DERA: variants seen among roughly 807,000 people sequenced by gnomAD.
DERA encodes 2-deoxy-D-ribose 5-phosphate aldolase.
A neutral mutation model predicts 41.1 loss-of-function variants in DERA; 15 were observed. The ratio of observed to expected loss-of-function variants is 0.37; its 90% CI spans 0.24 to 0.56. The LOEUF is 0.56. Among genes scored for constraint, DERA ranks in the 20% least tolerant of loss-of-function variants. The pLI is 0.81. For missense variants in DERA, 396 were observed against 403.4 expected, an observed-to-expected ratio of 0.98 and a Z score of 0.16; for synonymous variants, 139 against 137.4, an observed-to-expected ratio of 1.01 and a Z score of -0.08.
rs1173302767 is a variant in DERA, at chr12:16,036,406, A to C, written c.900+25A>C. 1.2e-5 allele frequency: 19 copies of C among 1,563,720 alleles called. No individual in the cohort carries two copies. The highest frequency in any genetic ancestry group is 1.6e-5 in the Non-Finnish European group (18 of 1,159,160). On this transcript the variant is annotated intron_variant, in intron 8 of 8. Transcript: ENST00000428559. This position sits in a 1 kb window ranked among gnomAD's most constrained non-coding sequence, Gnocchi z 4.9. ...GGTGAGTAATCATCTCTGTCTTTGG[A>C]ATAAATTAACAAGTGTTTTTTGAGA...
chr12:15,933,091 C>G (rs1338117302), intron 1 of DERA, among the ~76,000 whole-genome samples: 2 of 152,128 alleles, frequency 1.3e-5, no homozygotes, highest in African/African-American at 4.8e-5. Context: ...GAGGTTGATT[C>G]CTTATCTTGG....
chr12:15,946,046 G>T (rs573532955), intron 1 of DERA, among the ~76,000 whole-genome samples: 1 of 152,116 alleles, frequency 6.6e-6, no homozygotes, highest in Non-Finnish European at 1.5e-5. Context: ...ATTTGTGTAC[G>T]TTGAACCAGC....
At position 16,016,287 on chromosome 12, in the gene DERA, C is replaced by A. The variant is rs1293834447; in HGVS notation, c.638-16255C>A. Among the ~76,000 whole-genome samples the A allele has an allele frequency of 2.0e-5, 3 of 152,096 alleles. No homozygotes were observed. The East Asian group carries it at 5.8e-4, about 29-fold the overall frequency. ...GGCTCCCTTCACATAACTCTCCTTCCTTGACAGACATACTCAGAAAAGGGG... is the reference window on the plus strand; with the variant it reads ...GGCTCCCTTCACATAACTCTCCTTCATTGACAGACATACTCAGAAAAGGGG... On this transcript the variant is annotated intron_variant, in intron 6 of 8. Transcript: ENST00000428559.
intron 1 of DERA, among the ~76,000 whole-genome samples, chr12:15,949,586 G>A (rs1948481114): frequency 3.3e-5 from 5 of 152,158 alleles, no homozygotes; most frequent in Admixed American, 2.6e-4. Flanking sequence ...GATTTTCCAG[G>A]TGCCATCTGT....
At chr12:16,032,447 G>A (rs1252975481) in intron 6 of DERA, 95 bp from the exon 7 acceptor site, 3 of 701,096 alleles carry the variant, frequency 4.3e-6, no homozygotes, top group Admixed American at 3.5e-5. Flanking sequence ...GGGTTTCTTC[G>A]GGAAAAAATT....
intron 6 of DERA, among the ~76,000 whole-genome samples, chr12:16,030,798 C>T (rs1415651469): frequency 6.6e-6 from 1 of 152,168 alleles, no homozygotes; most frequent in Non-Finnish European, 1.5e-5. Flanking sequence ...TCATTGGTTG[C>T]TCTATTCCCA....
chr12:15,968,027 T>A (rs1030421635), intron 5 of DERA, among the ~76,000 whole-genome samples: 1 of 151,784 alleles, frequency 6.6e-6, no homozygotes. Flanking sequence ...TTGTTCTCCT[T>A]CCCCACCAGT....
chr12:15,941,278 G>C lies in DERA; in HGVS notation c.32-15658G>C, dbSNP rs1297691026. 6.6e-6 allele frequency among the ~76,000 whole-genome samples: 1 copy of C among 152,142 alleles called. No individual in the cohort carries two copies. Among genetic ancestry groups the C allele is most frequent in the Non-Finnish European group, 1.5e-5 (1 of 68,026 alleles). On this transcript the variant is annotated intron_variant, in intron 1 of 8. Coordinates refer to ENST00000428559, the MANE Select transcript of DERA (RefSeq NM_015954.4). The surrounding 1 kb of genome is among the most constrained non-coding windows in gnomAD (Gnocchi z 4.5). Reference sequence around the variant, plus strand: ...TTGAGCTCAGGCCGGGGCTCAACTAGCTGCTATAGCAAATGGGTATAACAG... The same window carrying C: ...TTGAGCTCAGGCCGGGGCTCAACTACCTGCTATAGCAAATGGGTATAACAG...
chr12:16,018,074 A>G (rs1948994874), intron 6 of DERA, among the ~76,000 whole-genome samples: 1 of 152,174 alleles, frequency 6.6e-6, no homozygotes, highest in South Asian at 2.1e-4. Context: ...AGAAATAAAA[A>G]TGTGTGTTTT....
rs1565588756 is a variant in DERA at position 15,936,951 on chromosome 12, C to CCA, written c.32-19985_32-19984insCA. Reference sequence around the variant, plus strand: ...CTGTCCTGTCTTGTCCTGTCCCGTCCTGTCCTGCCCTGCCCTGCCCTGTCT... The same window carrying CCA: ...CTGTCCTGTCTTGTCCTGTCCCGTCCCATGTCCTGCCCTGCCCTGCCCTGTCT... On this transcript the variant is annotated intron_variant, in intron 1 of 8. Coordinates refer to ENST00000428559, the MANE Select transcript of DERA (RefSeq NM_015954.4). The surrounding 1 kb of genome is among the most constrained non-coding windows in gnomAD (Gnocchi z 4.6). 7.0e-6 allele frequency among the ~76,000 whole-genome samples: 1 copy of CCA among 143,176 alleles called. No individual in the cohort carries two copies. Among genetic ancestry groups the CCA allele is most frequent in the Non-Finnish European group, 1.5e-5 (1 of 66,760 alleles). 93.9% of individuals were successfully genotyped at this position (143,176 alleles called of 152,430 possible).
Position 15,918,268 on chromosome 12 carries a change from G to A in DERA, c.31+6854G>A, listed in dbSNP as rs957561174. Among the ~76,000 whole-genome samples, 1 of 152,174 alleles carries A rather than the reference G, an allele frequency of 6.6e-6. No individual in the cohort carries two copies. Among genetic ancestry groups the A allele is most frequent in the Admixed American group, 6.5e-5 (1 of 15,292 alleles). On this transcript the variant is annotated intron_variant, in intron 1 of 8. Coordinates refer to ENST00000428559, the MANE Select transcript of DERA (RefSeq NM_015954.4). The surrounding 1 kb of genome is among the most constrained non-coding windows in gnomAD (Gnocchi z 4.3). ...AATCTCCCTGTTACCTTAGTGTGGGGCTGTGGACCTCTGTGCCCGGCCGCC... is the reference window on the plus strand; with the variant it reads ...AATCTCCCTGTTACCTTAGTGTGGGACTGTGGACCTCTGTGCCCGGCCGCC...
At chr12:15,925,077 A>G (rs938256681) in intron 1 of DERA, among the ~76,000 whole-genome samples, 1 of 152,188 alleles carries the variant, frequency 6.6e-6, no homozygotes, top group African/African-American at 2.4e-5. Flanking sequence ...AAGCCCAGAC[A>G]CTTCATTCTC....
Position 16,032,599 on chromosome 12 carries a change from T to C in DERA, c.695T>C (p.Val232Ala). The C allele has an allele frequency of 6.4e-7, 1 of 1,567,690 alleles. No homozygotes were observed. The highest frequency in any genetic ancestry group is 8.7e-7 in the Non-Finnish European group (1 of 1,155,484). The change falls in exon 7 of 9, where the codon GTA becomes GCA. Residue 232 changes from valine to alanine, a missense_variant. Val to Ala is a moderately conservative substitution (Grantham distance 64). Coordinates refer to ENST00000428559, the MANE Select transcript of DERA (RefSeq NM_015954.4). Reference sequence around the variant, plus strand: ...GAAACAGTAAATGCCACCTTCCCGGTAGCTATAGTAATGCTGCGGGCCATT... The same window carrying C: ...GAAACAGTAAATGCCACCTTCCCGGCAGCTATAGTAATGCTGCGGGCCATT... Reference protein sequence around the residue: ...GKETVNATFPVAIVMLRAIRD... With the variant: ...GKETVNATFPAAIVMLRAIRD...
Position 15,959,081 on chromosome 12 carries a change from A to G in DERA, c.277+746A>G, listed in dbSNP as rs903445294. Among the ~76,000 whole-genome samples, 2 of 151,548 alleles carry G rather than the reference A, an allele frequency of 1.3e-5. No homozygotes were observed. The highest frequency in any genetic ancestry group is 2.9e-5 in the Non-Finnish European group (2 of 67,902). ...CTGTGAGTGCAACTGGAGACGTTGA[A>G]TTGGCCCAATGCAGGTCTTTTATCC... On this transcript the variant is annotated intron_variant, in intron 3 of 8. Coordinates refer to ENST00000428559, the MANE Select transcript of DERA (RefSeq NM_015954.4). The surrounding 1 kb of genome is among the most constrained non-coding windows in gnomAD (Gnocchi z 4.5).
At chr12:16,029,638 C>T (rs986575751) in intron 6 of DERA, among the ~76,000 whole-genome samples, 1 of 151,796 alleles carries the variant, frequency 6.6e-6, no homozygotes, top group Non-Finnish European at 1.5e-5. Context: ...GTGTGTCGTG[C>T]TCTGAGGATA....
Position 15,983,577 on chromosome 12 carries a change from C to T in DERA, c.637+1141C>T, listed in dbSNP as rs2136163272. Among the ~76,000 whole-genome samples the T allele has an allele frequency of 1.3e-5, 2 of 152,338 alleles. 1 individual carries two copies. The highest frequency in any genetic ancestry group is 4.1e-4 in the South Asian group (2 of 4,830). On this transcript the variant is annotated intron_variant, in intron 6 of 8. Coordinates refer to ENST00000428559, the MANE Select transcript of DERA (RefSeq NM_015954.4). This position sits in a 1 kb window ranked among gnomAD's most constrained non-coding sequence, Gnocchi z 6.2. ...TTATCTCCTCTGTGTGTCCCCACGG[C>T]ATTCAAGTAAAAGCCCTATCATATA...
rs1251135794 is a variant in DERA, at chr12:15,928,926, C to A, written c.31+17512C>A. On this transcript the variant is annotated intron_variant, in intron 1 of 8. Coordinates refer to ENST00000428559, the MANE Select transcript of DERA (RefSeq NM_015954.4). This position sits in a 1 kb window ranked among gnomAD's most constrained non-coding sequence, Gnocchi z 4.6. ...GTACACTTGACCTTACTTTTCTCAG[C>A]CTTCTAGATCTGTAGCTGTTAAATC... Among the ~76,000 whole-genome samples the A allele has an allele frequency of 2.0e-5, 3 of 152,308 alleles. No individual in the cohort carries two copies. Among genetic ancestry groups the A allele is most frequent in the Admixed American group, 6.5e-5 (1 of 15,294 alleles).
At position 16,020,584 on chromosome 12, in the gene DERA, T is replaced by A. The variant is rs1177544248; in HGVS notation, c.638-11958T>A. Among the ~76,000 whole-genome samples the A allele has an allele frequency of 6.6e-6, 1 of 152,160 alleles. No individual in the cohort carries two copies. Among genetic ancestry groups the A allele is most frequent in the African/African-American group, 2.4e-5 (1 of 41,430 alleles). ...ATAGCTGAAAATGTGGGAGCAGCTT[T>A]GGAACTGGGTAATGGAGAGGTTGGA... is the stretch of plus-strand genomic sequence containing the variant. On this transcript the variant is annotated intron_variant, in intron 6 of 8. Coordinates refer to ENST00000428559, the MANE Select transcript of DERA (RefSeq NM_015954.4). The surrounding 1 kb of genome is among the most constrained non-coding windows in gnomAD (Gnocchi z 5.5).
rs1948546396 is a variant in DERA at position 15,957,101 on chromosome 12, A to G, written c.129+68A>G. 3 of 1,214,604 alleles carry G rather than the reference A, an allele frequency of 2.5e-6. No homozygotes were observed. In the Admixed American group the frequency reaches 5.5e-5, roughly 22 times the overall value. 75.2% of individuals were successfully genotyped at this position (1,214,604 alleles called of 1,614,324 possible). A position where few individuals can be genotyped will look rare whatever the true frequency, so the allele number is the denominator to read the frequency against. ...GCATGGTCTCTTCCCTCAAGGCCACAATATTGAATTTCACTCAAGATGCAT... is the reference window on the plus strand; with the variant it reads ...GCATGGTCTCTTCCCTCAAGGCCACGATATTGAATTTCACTCAAGATGCAT... On this transcript the variant is annotated intron_variant, in intron 2 of 8. Coordinates refer to ENST00000428559, the MANE Select transcript of DERA (RefSeq NM_015954.4). The surrounding 1 kb of genome is among the most constrained non-coding windows in gnomAD (Gnocchi z 4.8).
Sources: gnomAD v4.1 joint callset for allele counts (sites outside exome capture counted in the v4.1 genomes callset) on GRCh38, gnomAD v4.1.1 for gene constraint, Gnocchi (gnomAD v3.1) non-coding constraint, MANE v1.5 for transcripts, NCBI Gene and HGNC (gene_info 2026-07-23, HGNC 2026-07-21) for gene names.